ZNF521: variants seen among roughly 807,000 people sequenced by gnomAD.
The protein encoded by ZNF521 is zinc finger protein 521, also known as LYST-interacting protein 3.
Under a neutral mutation model 105.5 loss-of-function variants are expected in ZNF521, and 14 were observed. That is an observed-to-expected ratio of 0.13 (90% CI 0.09 to 0.21). The LOEUF (loss-of-function observed/expected upper bound fraction) is 0.21, where lower values mean the gene tolerates loss of function less well. Ranked by LOEUF, ZNF521 falls within the 10% of genes least tolerant of loss-of-function variation. ZNF521 has a pLI of 1.00. For synonymous variants in ZNF521, 635 were observed against 606.0 expected, an observed-to-expected ratio of 1.05 and a Z score of -0.70; for missense variants, 1,233 against 1,629.7, an observed-to-expected ratio of 0.76 and a Z score of 4.19.
rs368536501 is a variant in ZNF521, at chr18:25,289,130, G to A, written c.220+32878C>T. ...TTCTTTGGTGAAGTTGTCTTCTATT[G>A]CTAAATGACAAAATGAATGATGAAA... On this transcript the variant is annotated intron_variant, in intron 3 of 7. Transcript: ENST00000361524. Among the ~76,000 whole-genome samples, 40 of 152,084 alleles carry A rather than the reference G, an allele frequency of 2.6e-4. 1 individual carries two copies. In the East Asian group the frequency reaches 3.5e-3, roughly 13 times the overall value.
At chr18:25,304,653 C>T (rs778315387) in intron 3 of ZNF521, among the ~76,000 whole-genome samples, 1 of 152,160 alleles carries the variant, frequency 6.6e-6, no homozygotes, top group Admixed American at 6.5e-5. Flanking sequence ...CCTATCCCTT[C>T]CATCCCACAC....
intron 3 of ZNF521, among the ~76,000 whole-genome samples, chr18:25,242,983 C>T (rs994492629): frequency 3.3e-5 from 5 of 152,198 alleles, no homozygotes; most frequent in African/African-American, 1.2e-4. Flanking sequence ...ATAATCATCC[C>T]TTGGTATAAA....
chr18:25,191,856 AACAG>A (rs1276138141), intron 5 of ZNF521, among the ~76,000 whole-genome samples: 2 of 152,196 alleles, frequency 1.3e-5, no homozygotes, highest in East Asian at 3.8e-4. Flanking sequence ...TAATAATAAT[AACAG>A]ACAGCTCAGA....
chr18:25,205,141 TAAAAAAAAAAAAAAA>T (rs34563599), intron 4 of ZNF521, among the ~76,000 whole-genome samples: 1 of 74,934 alleles, frequency 1.3e-5, no homozygotes, highest in Admixed American at 1.6e-4. Context: ...GTAGTGAAGG[TAAAAAAAAAAAAAAA>T]AAAAAAAAAA....
At chr18:25,133,075 T>G (rs2034670153) in intron 5 of ZNF521, among the ~76,000 whole-genome samples, 1 of 152,190 alleles carries the variant, frequency 6.6e-6, no homozygotes, top group Non-Finnish European at 1.5e-5. Flanking sequence ...TCACATTATC[T>G]GCTAAATGCC....
At chr18:25,334,218 G>A (rs1426994315) in intron 2 of ZNF521, among the ~76,000 whole-genome samples, 1 of 151,988 alleles carries the variant, frequency 6.6e-6, no homozygotes, top group African/African-American at 2.4e-5. Flanking sequence ...TTTTCTTGGA[G>A]AAGTAACTTT....
rs939529505 is a variant in ZNF521 at position 25,137,101 on chromosome 18, G to T, written c.3659-45020C>A. On this transcript the variant is annotated intron_variant, in intron 5 of 7. Transcript: ENST00000361524. ...TATAAAAACAAGTGTTCCATTTCTG[G>T]TGCTTTTTAAATGTAATTGAAAGAC... Among the ~76,000 whole-genome samples, 3 of 152,244 alleles carry T rather than the reference G, an allele frequency of 2.0e-5. No individual in the cohort carries two copies. In the South Asian group the frequency reaches 6.2e-4, roughly 32 times the overall value.
chr18:25,345,045 A>G (rs1914401880), intron 2 of ZNF521, among the ~76,000 whole-genome samples: 2 of 152,226 alleles, frequency 1.3e-5, no homozygotes, highest in South Asian at 4.1e-4. Context: ...AACTCAAGCA[A>G]GTATACTTAA....
At chr18:25,125,690 A>C (rs1276304108) in intron 5 of ZNF521, among the ~76,000 whole-genome samples, 1 of 148,932 alleles carries the variant, frequency 6.7e-6, no homozygotes, top group Non-Finnish European at 1.5e-5. Flanking sequence ...TCTCTAGGGA[A>C]TTTCTCCAGG....
chr18:25,151,162 C>G (rs1346186436), intron 5 of ZNF521, among the ~76,000 whole-genome samples: 1 of 152,050 alleles, frequency 6.6e-6, no homozygotes, highest in Admixed American at 6.5e-5. Flanking sequence ...AAAATAAAAC[C>G]CAACTTCCTT....
chr18:25,283,751 C>A (rs1444370241), intron 3 of ZNF521, among the ~76,000 whole-genome samples: 2 of 152,138 alleles, frequency 1.3e-5, no homozygotes, highest in African/African-American at 2.4e-5. Context: ...GATCTGAATA[C>A]CCCCATCATC....
chr18:25,324,385 G>A (rs1218330092), intron 2 of ZNF521, among the ~76,000 whole-genome samples: 1 of 147,102 alleles, frequency 6.8e-6, no homozygotes, highest in East Asian at 2.0e-4. Flanking sequence ...TATTTCATCT[G>A]GGGCAACAGA....
intron 7 of ZNF521, among the ~76,000 whole-genome samples, chr18:25,068,792 G>C (rs2033140900): frequency 6.6e-6 from 1 of 152,134 alleles, no homozygotes; most frequent in Admixed American, 6.5e-5. Context: ...TATGAGTCTG[G>C]CTGGCTCCTT....
At chr18:25,248,757 A>G (rs1907908304) in intron 3 of ZNF521, among the ~76,000 whole-genome samples, 1 of 152,204 alleles carries the variant, frequency 6.6e-6, no homozygotes, top group African/African-American at 2.4e-5. Context: ...GGATACAACT[A>G]CAAGTGCGCA....
intron 2 of ZNF521, among the ~76,000 whole-genome samples, chr18:25,346,246 T>C (rs1446687637): frequency 6.6e-6 from 1 of 151,996 alleles, no homozygotes; most frequent in African/African-American, 2.4e-5. Flanking sequence ...TTTTTTTTTG[T>C]CTAAGAAATG....
chr18:25,232,572 T>C lies in ZNF521; in HGVS notation c.221-4875A>G, dbSNP rs375970436. Among the ~76,000 whole-genome samples, 3 of 152,250 alleles carry C rather than the reference T, an allele frequency of 2.0e-5. No homozygotes were observed. In the East Asian group the frequency reaches 5.8e-4, roughly 29 times the overall value. On this transcript the variant is annotated intron_variant, in intron 3 of 7. Coordinates refer to ENST00000361524, the MANE Select transcript of ZNF521 (RefSeq NM_015461.3). The stretch of plus-strand genomic sequence containing the variant: ...AGCTAGCAAGAAAATAAAAGATAAA[T>C]AGCTGGTGATACCTAAATGTTAATA...
At chr18:25,277,991 G>A (rs1008553145) in intron 3 of ZNF521, among the ~76,000 whole-genome samples, 36 of 152,088 alleles carry the variant, frequency 2.4e-4, no homozygotes, top group Non-Finnish European at 4.9e-4. Flanking sequence ...TGTGACAATG[G>A]TAAGTCTTCT....
chr18:25,270,506 A>G (rs1159426992), intron 3 of ZNF521, among the ~76,000 whole-genome samples: 1 of 152,210 alleles, frequency 6.6e-6, no homozygotes, highest in Admixed American at 6.5e-5. Flanking sequence ...TCGCTGATGA[A>G]CATTGATGCA....
rs2035809482 is a variant in ZNF521 at position 25,191,063 on chromosome 18, G to A, written c.3658+4097C>T. On this transcript the variant is annotated intron_variant, in intron 5 of 7. Coordinates refer to ENST00000361524, the MANE Select transcript of ZNF521 (RefSeq NM_015461.3). The stretch of plus-strand genomic sequence containing the variant: ...TTCAAAATGCTTTAACATTACACTT[G>A]ATCTATCTAGGACACGTTTATTAGT... Among the ~76,000 whole-genome samples the A allele has an allele frequency of 3.3e-5, 5 of 152,116 alleles. No homozygotes were observed. In the South Asian group the frequency reaches 1.0e-3, roughly 32 times the overall value.
Sources: allele counts gnomAD v4.1 joint callset (sites outside exome capture counted in the v4.1 genomes callset), GRCh38; gene constraint gnomAD v4.1.1; transcripts MANE v1.5; gene names NCBI Gene and HGNC (gene_info 2026-07-23, HGNC 2026-07-21).